The following USP45 variants were observed in gnomAD, a reference collection of about 807,000 sequenced individuals.
USP45 encodes the protein ubiquitin specific peptidase 45.
A neutral mutation model predicts 95.8 loss-of-function variants in USP45; 89 were observed. The observed-to-expected ratio is 0.93, with a 90% CI of 0.78 to 1.11. The LOEUF (loss-of-function observed/expected upper bound fraction) is 1.11. Among genes scored for constraint, USP45 ranks in the 50% least tolerant of loss-of-function variants. The probability of loss-of-function intolerance (pLI) is 0.00; values close to 1 mark genes in which losing one functional copy is unlikely to be tolerated. For missense variants in USP45, 898 were observed against 942.5 expected (o/e 0.95, Z 0.62); for synonymous variants, 281 against 316.2 (o/e 0.89, Z 1.18).
intron 7 of USP45, among the ~76,000 whole-genome samples, chr6:99,484,238 G>A (rs1438708668): frequency 6.6e-6 from 1 of 151,378 alleles, no homozygotes; most frequent in Non-Finnish European, 1.5e-5. Context: ...GGTGCGGTCA[G>A]CTCACTGTAA....
At chr6:99,503,210 A>C (rs968715238) in intron 5 of USP45, among the ~76,000 whole-genome samples, 1 of 152,334 alleles carries the variant, frequency 6.6e-6, no homozygotes, top group African/African-American at 2.4e-5. Context: ...GCCTAAATTC[A>C]AACTTATCAG....
chr6:99,503,693 T>G, intron 5 of USP45, 72 bp downstream of exon 5: 4 of 1,029,678 alleles, frequency 3.9e-6, no homozygotes, highest in Non-Finnish European at 4.2e-6. Context: ...TAAAGTATTC[T>G]TTATGAATTT....
At chr6:99,471,545 T>A (rs940985878) in intron 9 of USP45, among the ~76,000 whole-genome samples, 1 of 152,144 alleles carries the variant, frequency 6.6e-6, no homozygotes, top group African/African-American at 2.4e-5. Flanking sequence ...CAAAGAAGCA[T>A]AAATGTATAA....
intron 5 of USP45, among the ~76,000 whole-genome samples, chr6:99,498,057 G>C (rs943156120): frequency 3.4e-4 from 51 of 152,212 alleles, no homozygotes; most frequent in African/African-American, 9.6e-4. Context: ...CTCCATCACA[G>C]CACTATTTAA....
intron 13 of USP45, among the ~76,000 whole-genome samples, chr6:99,450,793 C>T (rs1783683080): frequency 6.6e-6 from 1 of 152,168 alleles, no homozygotes; most frequent in Admixed American, 6.5e-5. Context: ...CAATAAAATA[C>T]TGGCAAACCA....
chr6:99,466,765 T>A lies in USP45; in HGVS notation c.1016-2A>T, dbSNP rs376322038. 8.7e-6 allele frequency: 14 copies of A among 1,610,900 alleles called. No homozygotes were observed. In the African/African-American group the frequency reaches 1.6e-4, roughly 18 times the overall value. ...TTTTCACACCTTCTTTTCCATATGCTGTAAAAATCATACTTTTTAATGCAA... is the reference window on the plus strand; with the variant it reads ...TTTTCACACCTTCTTTTCCATATGCAGTAAAAATCATACTTTTTAATGCAA... On this transcript the variant is annotated splice_acceptor_variant, in intron 10 of 17. Transcript: ENST00000500704. LOFTEE classifies it high-confidence loss of function.
intron 13 of USP45, among the ~76,000 whole-genome samples, chr6:99,459,608 T>C (rs1785920551): frequency 6.6e-6 from 1 of 152,120 alleles, no homozygotes; most frequent in Non-Finnish European, 1.5e-5. Flanking sequence ...ACCAACAGAG[T>C]ATAAGCATTC....
At chr6:99,437,167 A>C in intron 17 of USP45, 79 bp downstream of exon 17, 1 of 1,424,074 alleles carries the variant, frequency 7.0e-7, no homozygotes, top group Non-Finnish European at 9.5e-7. Context: ...GCATCTATGA[A>C]ATAATAACTT....
chr6:99,478,226 T>TG (rs1425518799), intron 8 of USP45, among the ~76,000 whole-genome samples: 4 of 109,842 alleles, frequency 3.6e-5, no homozygotes, highest in Non-Finnish European at 7.1e-5. Flanking sequence ...ATTTGTTTTT[T>TG]TTTTTTTTTT....
At chr6:99,516,878 TTA>T (rs1291017999), upstream of USP45, among the ~76,000 whole-genome samples, 1 of 152,178 alleles carries the variant, frequency 6.6e-6, no homozygotes, top group African/African-American at 2.4e-5. Flanking sequence ...GAAACCCAGT[TTA>T]TGATTGATTT....
chr6:99,479,596 A>C, intron 8 of USP45, among the ~76,000 whole-genome samples: 1 of 99,172 alleles, frequency 1.0e-5, no homozygotes, highest in Non-Finnish European at 2.2e-5. Flanking sequence ...TACTATTCCA[A>C]CAGACAAAAA....
intron 5 of USP45, among the ~76,000 whole-genome samples, chr6:99,494,589 T>TAGAG (rs758390947): frequency 7.2e-4 from 110 of 152,132 alleles, no homozygotes; most frequent in Non-Finnish European, 1.1e-3. Context: ...ATCCTATAAC[T>TAGAG]ATCTTTTTAA....
At chr6:99,480,659 C>T (rs1474727697) in intron 8 of USP45, among the ~76,000 whole-genome samples, 3 of 149,598 alleles carry the variant, frequency 2.0e-5, no homozygotes, top group Non-Finnish European at 3.0e-5. Context: ...AGCGAAACTC[C>T]GTCTCAAAAA....
At chr6:99,487,671 T>C (rs1794273129) in intron 7 of USP45, among the ~76,000 whole-genome samples, 2 of 146,534 alleles carry the variant, frequency 1.4e-5, no homozygotes, top group South Asian at 2.2e-4. Flanking sequence ...GCCGGGCGCC[T>C]ATAGTCCCAG....
At chr6:99,512,717 T>C (rs866191267) in intron 1 of USP45, among the ~76,000 whole-genome samples, 1 of 152,180 alleles carries the variant, frequency 6.6e-6, no homozygotes, top group Non-Finnish European at 1.5e-5. Flanking sequence ...CGGTCATCAC[T>C]ACTGAACTAA....
intron 9 of USP45, among the ~76,000 whole-genome samples, chr6:99,475,332 T>G (rs1183503026): frequency 6.6e-6 from 1 of 151,552 alleles, no homozygotes; most frequent in African/African-American, 2.4e-5. Context: ...TTTTTTTTTT[T>G]TTTTTACAGC....
At chr6:99,516,518 AG>A (rs1299342201), upstream of USP45, among the ~76,000 whole-genome samples, 2 of 152,230 alleles carry the variant, frequency 1.3e-5, no homozygotes, top group Non-Finnish European at 2.9e-5. Flanking sequence ...AACTTGGCAA[AG>A]AAGGTTGATA....
At chr6:99,452,985 C>G (rs893237802) in intron 13 of USP45, among the ~76,000 whole-genome samples, 17 of 152,092 alleles carry the variant, frequency 1.1e-4, no homozygotes, top group Admixed American at 6.5e-4. Flanking sequence ...AATGAGAACA[C>G]TTGGACACAG....
intron 5 of USP45, among the ~76,000 whole-genome samples, chr6:99,493,557 G>A (rs1171040100): frequency 6.6e-6 from 1 of 152,234 alleles, no homozygotes; most frequent in Non-Finnish European, 1.5e-5. Context: ...GAGTGCAATG[G>A]CACAATCTCG....
Sources: allele counts gnomAD v4.1 joint callset (sites outside exome capture counted in the v4.1 genomes callset), GRCh38; gene constraint gnomAD v4.1.1; transcripts MANE v1.5; gene names NCBI Gene and HGNC (gene_info 2026-07-23, HGNC 2026-07-21).